PKHD1: variants seen among roughly 807,000 people sequenced by gnomAD.
The protein encoded by PKHD1 is fibrocystin.
PKHD1 carries 291 observed loss-of-function variants against 412.0 expected under a neutral mutation model. The observed-to-expected ratio is 0.71, with a 90% CI of 0.64 to 0.78. PKHD1 has a LOEUF of 0.78. Ranked by LOEUF, PKHD1 falls within the 30% of genes least tolerant of loss-of-function variation. PKHD1 has a pLI of 0.00. For synonymous variants in PKHD1, 1,777 were observed against 1,821.5 expected, an observed-to-expected ratio of 0.98 and a Z score of 0.62; for missense variants, 4,825 against 4,950.7, an observed-to-expected ratio of 0.97 and a Z score of 0.76.
intron 36 of PKHD1, among the ~76,000 whole-genome samples, chr6:51,942,618 C>G (rs1159040239): frequency 6.6e-6 from 1 of 151,426 alleles, no homozygotes; most frequent in African/African-American, 2.4e-5. Context: ...ACTTATCTCT[C>G]TGATCCACCT....
chr6:51,882,179 G>A (rs1777475987), intron 46 of PKHD1, among the ~76,000 whole-genome samples: 1 of 151,994 alleles, frequency 6.6e-6, no homozygotes, highest in Non-Finnish European at 1.5e-5. Flanking sequence ...ATCTAAATCT[G>A]GGTACCATCC....
At position 51,983,812 on chromosome 6, in the gene PKHD1, A is replaced by G. The variant is rs543614179; in HGVS notation, c.5752-23786T>C. On this transcript the variant is annotated intron_variant, in intron 35 of 66. Coordinates refer to ENST00000371117, the MANE Select transcript of PKHD1 (RefSeq NM_138694.4). ...AGCTTCCAGCACTGCACCACCCATG[A>G]AGTCAACTGGAAATATTTTGCTAGG... is the stretch of plus-strand genomic sequence containing the variant. 9.8e-5 allele frequency among the ~76,000 whole-genome samples: 15 copies of G among 152,352 alleles called. 1 individual carries two copies. In the South Asian group the frequency reaches 3.1e-3, roughly 32 times the overall value.
At chr6:51,669,095 T>G (rs1331133942) in intron 60 of PKHD1, among the ~76,000 whole-genome samples, 7 of 152,206 alleles carry the variant, frequency 4.6e-5, no homozygotes, top group Admixed American at 6.5e-5. Context: ...CTTTTTCTAT[T>G]GATTGGAATA....
chr6:51,888,670 C>A (rs1260636805), intron 43 of PKHD1, among the ~76,000 whole-genome samples: 1 of 151,746 alleles, frequency 6.6e-6, no homozygotes, highest in African/African-American at 2.4e-5. Flanking sequence ...CATTTATGAT[C>A]CCTGCCTAGT....
chr6:51,862,428 A>G (rs985059798), intron 48 of PKHD1, among the ~76,000 whole-genome samples: 5 of 152,316 alleles, frequency 3.3e-5, no homozygotes, highest in African/African-American at 1.2e-4. Flanking sequence ...TGCTGCCAAG[A>G]AAAGATAATA....
At chr6:51,762,108 A>G (rs1788115919) in intron 55 of PKHD1, among the ~76,000 whole-genome samples, 1 of 152,066 alleles carries the variant, frequency 6.6e-6, no homozygotes, top group Admixed American at 6.6e-5. Flanking sequence ...AAACTGCCAT[A>G]GCAATGTCTT....
At chr6:51,967,351 C>T (rs573400899) in intron 35 of PKHD1, among the ~76,000 whole-genome samples, 19 of 152,020 alleles carry the variant, frequency 1.2e-4, no homozygotes, top group Admixed American at 3.9e-4. Context: ...TTGGGGACCC[C>T]GGTAAATTCT....
intron 48 of PKHD1, among the ~76,000 whole-genome samples, chr6:51,860,583 G>C (rs1383337417): frequency 2.6e-5 from 4 of 152,168 alleles, no homozygotes; most frequent in Non-Finnish European, 5.9e-5. Flanking sequence ...ATTAGCAGTA[G>C]AGAGCTTCAT....
At chr6:51,793,610 G>A (rs917965404) in intron 52 of PKHD1, among the ~76,000 whole-genome samples, 31 of 152,282 alleles carry the variant, frequency 2.0e-4, no homozygotes, top group Admixed American at 9.8e-4. Flanking sequence ...GCAAGAACAC[G>A]TGGTATTTTG....
At chr6:51,886,984 A>G (rs1778307951) in intron 44 of PKHD1, 149 bp downstream of exon 44, 2 of 691,604 alleles carry the variant, frequency 2.9e-6, no homozygotes, top group Admixed American at 4.1e-5. Context: ...TTGTATGTCA[A>G]TTATACCTCA....
chr6:51,702,323 C>T (rs996911726), intron 60 of PKHD1, among the ~76,000 whole-genome samples: 8 of 150,422 alleles, frequency 5.3e-5, no homozygotes, highest in African/African-American at 1.7e-4. Context: ...AGTGAAGTAA[C>T]TCAGGAATGG....
At chr6:51,795,340 G>A (rs1273083187) in intron 52 of PKHD1, among the ~76,000 whole-genome samples, 1 of 152,188 alleles carries the variant, frequency 6.6e-6, no homozygotes, top group Non-Finnish European at 1.5e-5. Context: ...TCTATTGTTA[G>A]TGTATGGAAA....
At chr6:51,638,728 T>A in intron 64 of PKHD1, 121 bp downstream of exon 64, 1 of 728,184 alleles carries the variant, frequency 1.4e-6, no homozygotes. Context: ...TGAATTTATT[T>A]TCTAAACTAT....
chr6:51,963,977 TG>T (rs1189014205), intron 35 of PKHD1, among the ~76,000 whole-genome samples: 1 of 152,022 alleles, frequency 6.6e-6, no homozygotes, highest in East Asian at 1.9e-4. Context: ...CATAGGCATA[TG>T]GGGGCAGCCG....
At chr6:51,858,543 A>C (rs887069429) in intron 48 of PKHD1, among the ~76,000 whole-genome samples, 3 of 152,194 alleles carry the variant, frequency 2.0e-5, no homozygotes, top group Non-Finnish European at 4.4e-5. Context: ...ACAGGGAATG[A>C]TTATAAGTGT....
At position 52,026,127 on chromosome 6, in the gene PKHD1, A is replaced by T. The variant is rs2128147074; in HGVS notation, c.3683T>A (p.Val1228Asp). Reference protein sequence around the residue: ...GIGFSRDPALVWVLVGNRSCD... With the variant: ...GIGFSRDPALDWVLVGNRSCD... Reference sequence around the variant, plus strand: ...GGACCGATTGCCCACAAGTACCCAAACCAAAGCTGGGTCCCTGCTGAAGCC... The same window carrying T: ...GGACCGATTGCCCACAAGTACCCAATCCAAAGCTGGGTCCCTGCTGAAGCC... The change falls in exon 32 of 67, where the codon GTT (valine) becomes GAT (aspartate). Residue 1228 changes from valine (V) to aspartate (D), a missense_variant. Physicochemically the swap from Val to Asp is radical, Grantham distance 152. Coordinates refer to ENST00000371117, the MANE Select transcript of PKHD1 (RefSeq NM_138694.4). 1.2e-6 allele frequency: 2 copies of T among 1,614,102 alleles called. No homozygotes were observed. Among genetic ancestry groups the T allele is most frequent in the East Asian group, 2.2e-5 (1 of 44,888 alleles).
intron 57 of PKHD1, among the ~76,000 whole-genome samples, chr6:51,752,108 T>C (rs188801498): frequency 3.1e-4 from 47 of 152,282 alleles, no homozygotes; most frequent in African/African-American, 4.3e-4. Flanking sequence ...CTTATCTTGC[T>C]CTCTCCTTCC....
intron 52 of PKHD1, among the ~76,000 whole-genome samples, chr6:51,792,605 T>TG (rs1793934552): frequency 6.6e-6 from 1 of 152,242 alleles, no homozygotes; most frequent in Non-Finnish European, 1.5e-5. Context: ...GATGAAGCCA[T>TG]GTGACTGAGT....
At position 51,632,595 on chromosome 6, in the gene PKHD1, A is replaced by G; in HGVS notation, c.11635T>C (p.Cys3879Arg). 1.2e-6 allele frequency: 2 copies of G among 1,613,464 alleles called. No individual in the cohort carries two copies. Among genetic ancestry groups the G allele is most frequent in the Non-Finnish European group, 8.5e-7 (1 of 1,179,664 alleles). Residue 3879 changes from cysteine to arginine, a missense_variant, in exon 65 of 67, where the codon TGC becomes CGC. Coordinates refer to ENST00000371117, the MANE Select transcript of PKHD1 (RefSeq NM_138694.4). ...CTTTTGCTTCTTTTAAGCCAACAGCACACCAGACAGCTCAGAGCCAGCCAT... is the reference window on the plus strand; with the variant it reads ...CTTTTGCTTCTTTTAAGCCAACAGCGCACCAGACAGCTCAGAGCCAGCCAT... ...ASWLALSCLVCCWLKRSKSRK... is the reference protein window; with the variant it reads ...ASWLALSCLVRCWLKRSKSRK...
Sources: gnomAD v4.1 joint callset for allele counts (sites outside exome capture counted in the v4.1 genomes callset) on GRCh38, gnomAD v4.1.1 for gene constraint, MANE v1.5 for transcripts, NCBI Gene and HGNC (gene_info 2026-07-23, HGNC 2026-07-21) for gene names.